Variants in GPSM2 observed in about 807,000 individuals in gnomAD.
GPSM2 encodes the protein G protein signaling modulator 2.
Under a neutral mutation model 78.4 loss-of-function variants are expected in GPSM2, and 58 were observed. That is an observed-to-expected ratio of 0.74 (90% CI 0.60 to 0.92). GPSM2 has a LOEUF of 0.92. Among genes scored for constraint, GPSM2 ranks in the 40% least tolerant of loss-of-function variants. The pLI is 0.00. For missense variants in GPSM2, 700 were observed against 815.5 expected, an observed-to-expected ratio of 0.86 and a Z score of 1.73; for synonymous variants, 224 against 280.2, an observed-to-expected ratio of 0.80 and a Z score of 2.00.
At chr1:108,915,772 A>T (rs2101511802) in intron 11 of GPSM2, among the ~76,000 whole-genome samples, 1 of 152,256 alleles carries the variant, frequency 6.6e-6, no homozygotes, top group East Asian at 1.9e-4. Context: ...ATATTTTTAA[A>T]AATGCTTTTA....
chr1:108,916,015 G>A (rs1216688889), intron 11 of GPSM2, among the ~76,000 whole-genome samples: 1 of 149,842 alleles, frequency 6.7e-6, no homozygotes, highest in Non-Finnish European at 1.5e-5. Context: ...GCTGAGGCAG[G>A]CAGATCACTT....
Position 108,898,935 on chromosome 1 carries a change from C to A in GPSM2, c.738C>A (p.Ser246Arg), listed in dbSNP as rs1648581122. The A allele has an allele frequency of 6.2e-7, 1 of 1,613,024 alleles. No individual in the cohort carries two copies. The highest frequency in any genetic ancestry group is 8.5e-7 in the Non-Finnish European group (1 of 1,179,044). Residue 246 changes from serine to arginine, a missense_variant, in exon 7 of 15, where the codon AGC becomes AGA. Coordinates refer to ENST00000264126, the MANE Select transcript of GPSM2 (RefSeq NM_013296.5). ...GDKAAERRAY[S>R]NLGNAYIFLG... ...AAGCAGCTGAAAGAAGAGCATATAG[C>A]AACCTTGGAAATGCATATATATTTC...
Position 108,885,412 on chromosome 1 carries a change from A to G in GPSM2, c.-111A>G, listed in dbSNP as rs1276023686. Reference sequence around the variant, plus strand: ...AGGAGCTTAGGATGTATTAACACCAACTCATTAATATACTAACCGGACAAT... The same window carrying G: ...AGGAGCTTAGGATGTATTAACACCAGCTCATTAATATACTAACCGGACAAT... On this transcript the variant is annotated 5_prime_UTR_variant, in exon 2 of 15. Transcript: ENST00000264126. 1.5e-6 allele frequency: 1 copy of G among 664,930 alleles called. No individual in the cohort carries two copies. The highest frequency in any genetic ancestry group is 1.9e-5 in the South Asian group (1 of 52,966). 41.2% of individuals were successfully genotyped at this position (664,930 alleles called of 1,614,324 possible).
intron 13 of GPSM2, 132 bp downstream of exon 13, chr1:108,922,708 GTTAT>G (rs1650813683): frequency 3.6e-6 from 3 of 842,632 alleles, no homozygotes; most frequent in Non-Finnish European, 6.1e-6. Flanking sequence ...CTGAAATGCT[GTTAT>G]TTATACAGTT....
chr1:108,880,088 G>C (rs1665821667), intron 1 of GPSM2, among the ~76,000 whole-genome samples: 1 of 151,944 alleles, frequency 6.6e-6, no homozygotes, highest in South Asian at 2.1e-4. Context: ...AGTTTTCCCT[G>C]GTCCTTTTCA....
intron 13 of GPSM2, 146 bp downstream of exon 13, chr1:108,922,722 T>C (rs1270891537): frequency 2.5e-6 from 2 of 785,464 alleles, no homozygotes; most frequent in Non-Finnish European, 4.4e-6. Context: ...TTTATACAGT[T>C]CAAACAAGGT....
rs144103374 is a variant in GPSM2 at position 108,923,734 on chromosome 1, G to C, written c.1601-266G>C. Among the ~76,000 whole-genome samples, 399 of 152,286 alleles carry C rather than the reference G, an allele frequency of 2.6e-3. 3 individuals are homozygous for C. Among genetic ancestry groups the C allele is most frequent in the Non-Finnish European group, 5.0e-3 (343 of 68,024 alleles). ...TATCTTATAGTTACATTTTGAGTGA[G>C]CATTAAATAGAGAAATATAGTCAAA... On this transcript the variant is annotated intron_variant, in intron 13 of 14. Coordinates refer to ENST00000264126, the MANE Select transcript of GPSM2 (RefSeq NM_013296.5).
chr1:108,899,033 A>G (rs1327929036), intron 7 of GPSM2, 39 bp downstream of exon 7: 4 of 1,160,464 alleles, frequency 3.4e-6, no homozygotes, highest in African/African-American at 1.5e-5. Context: ...TAAAATGAAT[A>G]CTCAGTCCCA....
At chr1:108,904,979 TAAAA>T (rs58402227) in intron 10 of GPSM2, among the ~76,000 whole-genome samples, 11 of 151,974 alleles carry the variant, frequency 7.2e-5, no homozygotes, top group African/African-American at 2.7e-4. Context: ...ATTCTCAGTC[TAAAA>T]AAAACTACTG....
Position 108,876,987 on chromosome 1 carries a change from A to C in GPSM2, c.-490A>C, listed in dbSNP as rs1242591124. ...GCGCCTGGAGCCGGGGCGCAGGCGCAGAGGAGGGCGGTGTTGAGACCGGCG... is the reference window on the plus strand; with the variant it reads ...GCGCCTGGAGCCGGGGCGCAGGCGCCGAGGAGGGCGGTGTTGAGACCGGCG... On this transcript the variant is annotated 5_prime_UTR_variant, in exon 1 of 15. Coordinates refer to ENST00000264126, the MANE Select transcript of GPSM2 (RefSeq NM_013296.5). 1 of 152,332 alleles carries C rather than the reference A, an allele frequency of 6.6e-6. No homozygotes were observed. The highest frequency in any genetic ancestry group is 6.5e-5 in the Admixed American group (1 of 15,292). The allele number at this position is 152,332 out of a possible 1,614,324, so 9.4% of individuals were successfully genotyped here.
intron 11 of GPSM2, among the ~76,000 whole-genome samples, chr1:108,916,757 A>C (rs1446476091): frequency 6.6e-6 from 1 of 152,206 alleles, no homozygotes; most frequent in Non-Finnish European, 1.5e-5. Flanking sequence ...GTTTAAGTGT[A>C]ATTAGTTCTT....
chr1:108,931,262 G>T lies in GPSM2; in HGVS notation c.*1322G>T. On this transcript the variant is annotated 3_prime_UTR_variant, in exon 15 of 15. Transcript: ENST00000264126. ...TCACAAAAATTAAATATGAAAGAAA[G>T]ATGTCAGCTAGAACCTTAGTTGTCA... The T allele has an allele frequency of 6.9e-7, 1 of 1,443,726 alleles. No homozygotes were observed. Among genetic ancestry groups the T allele is most frequent in the East Asian group, 2.6e-5 (1 of 38,396 alleles). The allele number at this position is 1,443,726 out of a possible 1,614,324, so 89.4% of individuals were successfully genotyped here. A position where few individuals can be genotyped will look rare whatever the true frequency, so the allele number is the denominator to read the frequency against.
At chr1:108,881,115 T>TA (rs879555930) in intron 1 of GPSM2, among the ~76,000 whole-genome samples, 3 of 152,228 alleles carry the variant, frequency 2.0e-5, no homozygotes, top group Non-Finnish European at 4.4e-5. Context: ...GTGAGGCAGT[T>TA]AGAGTTATGT....
chr1:108,886,693 T>C (rs950424281), intron 2 of GPSM2, among the ~76,000 whole-genome samples: 2 of 152,152 alleles, frequency 1.3e-5, no homozygotes, highest in African/African-American at 4.8e-5. Flanking sequence ...TGTATGTGTG[T>C]TGGTGGGGGT....
In GPSM2 at chr1:108,922,543, ACTT is replaced by A. The variant is rs35029887; in HGVS notation, c.1572_1574del (p.Ser525del). 0.29 allele frequency: 465,020 copies of A among 1,607,800 alleles called. 72,591 individuals carry two copies. The highest frequency in any genetic ancestry group is 0.57 in the African/African-American group (42,735 of 74,548). On this transcript the variant is annotated inframe_deletion, in exon 13 of 15. Transcript: ENST00000264126. ...GAACTGCCATACAGCTTCAACAACA[ACTT>A]CTTCCACTCCCCCTAAAATGATGCT...
intron 14 of GPSM2, among the ~76,000 whole-genome samples, chr1:108,925,775 T>C (rs1038876159): frequency 4.0e-5 from 6 of 151,712 alleles, no homozygotes; most frequent in Non-Finnish European, 8.8e-5. Context: ...GAAACTTTAA[T>C]GGGTTAAATG....
chr1:108,912,974 T>C (rs2101494225), intron 10 of GPSM2, among the ~76,000 whole-genome samples: 1 of 152,266 alleles, frequency 6.6e-6, no homozygotes, highest in Non-Finnish European at 1.5e-5. Context: ...AGAAGATATT[T>C]AACTTCATCT....
intron 11 of GPSM2, among the ~76,000 whole-genome samples, chr1:108,917,611 CATATATATAT>C (rs55909258): frequency 0.018 from 401 of 22,328 alleles, 3 homozygotes; most frequent in African/African-American, 0.042. Context: ...CACACACACA[CATATATATAT>C]ATATATATAT....
rs377217097 is a variant in GPSM2 at position 108,906,833 on chromosome 1, C to G, written c.1192+2579C>G. On this transcript the variant is annotated intron_variant, in intron 10 of 14. Coordinates refer to ENST00000264126, the MANE Select transcript of GPSM2 (RefSeq NM_013296.5). ...GAGGGTTTTGAGATGGAATCTCGCT[C>G]TGTCGCCCAGGCTGGAGTGCAGTGA... 1.7e-3 allele frequency among the ~76,000 whole-genome samples: 264 copies of G among 152,276 alleles called. 1 individual carries two copies. The highest frequency in any genetic ancestry group is 5.9e-3 in the African/African-American group (247 of 41,566).
Sources: allele counts gnomAD v4.1 joint callset (sites outside exome capture counted in the v4.1 genomes callset), GRCh38; gene constraint gnomAD v4.1.1; transcripts MANE v1.5; gene names NCBI Gene and HGNC (gene_info 2026-07-23, HGNC 2026-07-21).